The following NCOR2 variants were observed in gnomAD, a reference collection of about 807,000 sequenced individuals.
NCOR2 encodes nuclear receptor corepressor 2.
NCOR2 carries 81 observed loss-of-function variants against 262.9 expected under a neutral mutation model. That is an observed-to-expected ratio of 0.31 (90% CI 0.26 to 0.37). The LOEUF (loss-of-function observed/expected upper bound fraction) is 0.37, where lower values mean the gene tolerates loss of function less well. Ranked by LOEUF, NCOR2 falls within the 10% of genes least tolerant of loss-of-function variation. The pLI, the probability that NCOR2 is intolerant of heterozygous loss-of-function variation, is 1.00. For missense variants in NCOR2, 3,385 were observed against 3,621.4 expected (o/e 0.93, Z 1.68); for synonymous variants, 1,659 against 1,559.3 (o/e 1.06, Z -1.51).
At chr12:124,422,505 C>T (rs2043268671) in exon 12 of NCOR2, 1 of 1,614,068 alleles carries the variant, frequency 6.2e-7, no homozygotes, top group Middle Eastern at 1.6e-4. Context: ...ACTCACCTTC[C>T]TCTCCAGGAA....
exon 34 of NCOR2, chr12:124,341,950 A>G (rs1033174392): frequency 7.4e-6 from 12 of 1,613,124 alleles, no homozygotes; most frequent in Admixed American, 1.7e-5. Context: ...TGATGTAGTC[A>G]TTGATGATGG....
At chr12:124,554,569 A>T (rs1164116463) in intron 1 of NCOR2, among the ~76,000 whole-genome samples, 5 of 152,218 alleles carry the variant, frequency 3.3e-5, no homozygotes, top group African/African-American at 1.2e-4. Context: ...CACTCCTTAC[A>T]GCACCGCGAG....
intron 12 of NCOR2, among the ~76,000 whole-genome samples, chr12:124,420,580 G>C (rs1255231758): frequency 6.6e-6 from 1 of 152,108 alleles, no homozygotes; most frequent in East Asian, 1.9e-4. Context: ...CGCCCCACGC[G>C]CCTCTTCCTG....
chr12:124,390,375 C>G (rs75713760), intron 16 of NCOR2, among the ~76,000 whole-genome samples: 3,082 of 152,280 alleles, frequency 0.02, 120 homozygotes, highest in African/African-American at 0.071. Flanking sequence ...GCTGCTCCTG[C>G]TGCCTCCACG....
At chr12:124,540,072 C>T (rs61439711), upstream of NCOR2, among the ~76,000 whole-genome samples, 2 of 151,956 alleles carry the variant, frequency 1.3e-5, no homozygotes, top group South Asian at 2.1e-4. Context: ...GGCATGACTG[C>T]GAACACAAAA....
chr12:124,453,524 G>A (rs1259120904), intron 6 of NCOR2, among the ~76,000 whole-genome samples: 1 of 152,242 alleles, frequency 6.6e-6, no homozygotes, highest in Non-Finnish European at 1.5e-5. Flanking sequence ...AGGCAGAGAT[G>A]AGGCATGGTG....
chr12:124,499,077 C>T (rs1221079161), upstream of NCOR2, among the ~76,000 whole-genome samples: 1 of 152,172 alleles, frequency 6.6e-6, no homozygotes, highest in African/African-American at 2.4e-5. Flanking sequence ...GTGTGCAGCA[C>T]TGCGAATAGG....
intron 13 of NCOR2, among the ~76,000 whole-genome samples, chr12:124,416,479 T>C (rs905330791): frequency 3.3e-5 from 5 of 151,916 alleles, no homozygotes; most frequent in African/African-American, 9.7e-5. Context: ...TTCTACGGAG[T>C]CTTCAAGGAT....
chr12:124,544,186 C>G (rs111669691), intron 1 of NCOR2, among the ~76,000 whole-genome samples: 8 of 152,186 alleles, frequency 5.3e-5, no homozygotes, highest in African/African-American at 9.7e-5. Context: ...CTCTCTATGC[C>G]CCGCAGTGAC....
chr12:124,402,012 T>G (rs1380972327), intron 14 of NCOR2, among the ~76,000 whole-genome samples: 15 of 152,150 alleles, frequency 9.9e-5, no homozygotes, highest in Admixed American at 7.9e-4. Context: ...ACCTAGTCCT[T>G]CCAGGAGGGC....
chr12:124,555,211 G>A (rs145167784), intron 1 of NCOR2, among the ~76,000 whole-genome samples: 8 of 152,328 alleles, frequency 5.3e-5, no homozygotes, highest in African/African-American at 1.7e-4. Flanking sequence ...GGTGCCAAGC[G>A]AGCTTGCCTG....
At position 124,483,824 on chromosome 12, in the gene NCOR2, A is replaced by C; in HGVS notation, c.234-51T>G. ...CACATAGGAGATTGCGGCTCTGAGAACTCCCGAGGCCCCGACCACCCTCTG... is the reference window on the plus strand; with the variant it reads ...CACATAGGAGATTGCGGCTCTGAGACCTCCCGAGGCCCCGACCACCCTCTG... On this transcript the variant is annotated intron_variant, in intron 2 of 46. Coordinates refer to ENST00000405201, the Ensembl canonical transcript of NCOR2. This position sits in a 1 kb window ranked among gnomAD's most constrained non-coding sequence, Gnocchi z 6.3. 1.3e-6 allele frequency: 2 copies of C among 1,489,100 alleles called. No individual in the cohort carries two copies. Among genetic ancestry groups the C allele is most frequent in the South Asian group, 1.3e-5 (1 of 74,774 alleles). 92.2% of individuals were successfully genotyped at this position (1,489,100 alleles called of 1,614,324 possible).
At chr12:124,392,625 C>G (rs2041389387) in intron 16 of NCOR2, among the ~76,000 whole-genome samples, 2 of 152,230 alleles carry the variant, frequency 1.3e-5, no homozygotes, top group South Asian at 4.1e-4. Flanking sequence ...TAAGCTCTGG[C>G]AGCTTTGTGC....
At chr12:124,356,733 A>G (rs1241991531) in exon 23 of NCOR2, 26 of 1,498,094 alleles carry the variant, frequency 1.7e-5, no homozygotes, top group Non-Finnish European at 2.3e-5. Flanking sequence ...GCAGGCCGGA[A>G]GTCCAGCAAG....
At chr12:124,498,243 C>G (rs1483075722), upstream of NCOR2, among the ~76,000 whole-genome samples, 1 of 152,196 alleles carries the variant, frequency 6.6e-6, no homozygotes, top group Non-Finnish European at 1.5e-5. Context: ...GAGATGCTGC[C>G]TGGGGGTGAC....
At chr12:124,535,371 A>ACC (rs1209314378) in intron 1 of NCOR2, among the ~76,000 whole-genome samples, 194 bp downstream of exon 2, 1 of 152,112 alleles carries the variant, frequency 6.6e-6, no homozygotes, top group Non-Finnish European at 1.5e-5. Flanking sequence ...TCACTGGGGG[A>ACC]CCCCGCAAAC....
At chr12:124,461,832 G>A (rs562560789) in intron 5 of NCOR2, among the ~76,000 whole-genome samples, 4 of 152,318 alleles carry the variant, frequency 2.6e-5, no homozygotes, top group East Asian at 1.9e-4. Flanking sequence ...GAATGTTCAC[G>A]CATGTGCACA....
chr12:124,345,085 GAC>G, intron 31 of NCOR2, 134 bp from the exon 34 acceptor site: 1 of 814,076 alleles, frequency 1.2e-6, no homozygotes, highest in Non-Finnish European at 1.9e-6. Flanking sequence ...GAGGCAGGGA[GAC>G]AGAGGGCTTT....
At chr12:124,484,044 C>T (rs903005943) in intron 2 of NCOR2, among the ~76,000 whole-genome samples, 2 of 152,078 alleles carry the variant, frequency 1.3e-5, no homozygotes, top group Non-Finnish European at 2.9e-5. Context: ...AGTGACTGCC[C>T]CTCCCTTGCT....
Sources: allele counts gnomAD v4.1 joint callset (sites outside exome capture counted in the v4.1 genomes callset), GRCh38; gene constraint gnomAD v4.1.1; non-coding constraint Gnocchi (gnomAD v3.1); transcripts MANE v1.5; gene names NCBI Gene and HGNC (gene_info 2026-07-23, HGNC 2026-07-21).